The following ABCF1 variants were observed in gnomAD, a reference collection of about 807,000 sequenced individuals.
ABCF1 encodes ATP binding cassette subfamily F member 1.
A neutral mutation model predicts 126.3 loss-of-function variants in ABCF1; 73 were observed. The ratio of observed to expected loss-of-function variants is 0.58; its 90% CI spans 0.48 to 0.70. ABCF1 has a LOEUF of 0.70. Ranked by LOEUF, ABCF1 falls within the 30% of genes least tolerant of loss-of-function variation. ABCF1 has a pLI of 0.00. For missense variants in ABCF1, 786 were observed against 1,057.5 expected, an observed-to-expected ratio of 0.74 and a Z score of 3.56; for synonymous variants, 345 against 396.4, an observed-to-expected ratio of 0.87 and a Z score of 1.54.
chr6:30,579,336 A>G (rs898413146), intron 6 of ABCF1, among the ~76,000 whole-genome samples: 1 of 151,878 alleles, frequency 6.6e-6, no homozygotes, highest in Non-Finnish European at 1.5e-5. Context: ...ATGGTCTCCA[A>G]CTTCTGCTTC....
Position 30,574,338 on chromosome 6 carries a change from A to G in ABCF1, c.73+2778A>G, listed in dbSNP as rs1265964516. 3.9e-5 allele frequency among the ~76,000 whole-genome samples: 6 copies of G among 152,162 alleles called. No individual in the cohort carries two copies. The highest frequency in any genetic ancestry group is 4.1e-4 in the South Asian group (2 of 4,830). On this transcript the variant is annotated intron_variant, in intron 1 of 24. Coordinates refer to ENST00000326195, the MANE Select transcript of ABCF1 (RefSeq NM_001025091.2). The surrounding 1 kb of genome is among the most constrained non-coding windows in gnomAD (Gnocchi z 4.3). ...TTTTCTGTAGAGATGAGGTCTTGCT[A>G]TGTTGCCCAGGCTAATCTTGAACCT... is the stretch of plus-strand genomic sequence containing the variant.
In ABCF1 at chr6:30,586,392, T is replaced by C. The variant is rs1802134988; in HGVS notation, c.1886-82T>C. The C allele has an allele frequency of 1.9e-6, 3 of 1,607,622 alleles. No individual in the cohort carries two copies. The highest frequency in any genetic ancestry group is 1.1e-5 in the South Asian group (1 of 90,516). On this transcript the variant is annotated intron_variant, in intron 18 of 24. Coordinates refer to ENST00000326195, the MANE Select transcript of ABCF1 (RefSeq NM_001025091.2). The surrounding 1 kb of genome is among the most constrained non-coding windows in gnomAD (Gnocchi z 4.9). ...AATTCTCCACCAAGGCTGAGATTGC[T>C]CCTGTTCTCCAAGGCCAGCACATGA...
Position 30,590,725 on chromosome 6 carries a change from G to T in ABCF1, c.*24G>T. 6.3e-7 allele frequency: 1 copy of T among 1,588,248 alleles called. No homozygotes were observed. The highest frequency in any genetic ancestry group is 8.6e-7 in the Non-Finnish European group (1 of 1,167,744). On this transcript the variant is annotated 3_prime_UTR_variant, in exon 25 of 25. Coordinates refer to ENST00000326195, the MANE Select transcript of ABCF1 (RefSeq NM_001025091.2). ...GAGCTTTCCTTCCCAGAAGTCTCCC[G>T]AGAGACATATTTGTGTGGCCTAGAA...
Position 30,585,888 on chromosome 6 carries a change from A to G in ABCF1, c.1610A>G (p.Lys537Arg). Residue 537 changes from lysine (K) to arginine (R), a missense_variant, in exon 17 of 25, where the codon AAA becomes AGA. Around this residue, in one of 4 missense-constraint regions of ABCF1, gnomAD observed 288 missense variants for 423.5 expected, o/e 0.68. Transcript: ENST00000326195. ...CCCTCTTCTGCCCCAGTGACCTTCA[A>G]AAAGATGTACCAGCAGAAGCAGAAA... Reference protein sequence around the residue: ...HYYRGNYMTFKKMYQQKQKEL... With the variant: ...HYYRGNYMTFRKMYQQKQKEL... 1 of 1,605,190 alleles carries G rather than the reference A, an allele frequency of 6.2e-7. No homozygotes were observed. The highest frequency in any genetic ancestry group is 8.5e-7 in the Non-Finnish European group (1 of 1,175,836).
rs1561804696 is a variant in ABCF1 at position 30,590,393 on chromosome 6, A to T, written c.2371+15A>T. 2 of 1,601,042 alleles carry T rather than the reference A, an allele frequency of 1.2e-6. No homozygotes were observed. The highest frequency in any genetic ancestry group is 8.5e-7 in the Non-Finnish European group (1 of 1,173,258). ...ATACAAGGGTGGTAAGTCAGCTGAG[A>T]GTGTGCCCTCATCCCTGCTCCATGG... On this transcript the variant is annotated intron_variant, in intron 24 of 24. Coordinates refer to ENST00000326195, the MANE Select transcript of ABCF1 (RefSeq NM_001025091.2).
At chr6:30,587,651 C>A (rs1265215855) in intron 20 of ABCF1, among the ~76,000 whole-genome samples, 4 of 151,364 alleles carry the variant, frequency 2.6e-5, no homozygotes, top group African/African-American at 9.7e-5. Flanking sequence ...AAAAAACAGA[C>A]CAGCCTGAGC....
At chr6:30,585,178 C>A in intron 14 of ABCF1, 82 bp from the exon 15 acceptor site, 2 of 1,231,804 alleles carry the variant, frequency 1.6e-6, no homozygotes, top group Non-Finnish European at 2.4e-6. Context: ...TGGTCTCAGG[C>A]TCTATCTCCG....
intron 1 of ABCF1, among the ~76,000 whole-genome samples, chr6:30,575,781 T>C (rs892744796): frequency 6.6e-6 from 1 of 151,944 alleles, no homozygotes; most frequent in Non-Finnish European, 1.5e-5. Flanking sequence ...AAACAACGTG[T>C]CCCCCTGGCC....
In ABCF1 at chr6:30,583,673, A is replaced by C; in HGVS notation, c.981A>C (p.Val327=). 6.2e-7 allele frequency: 1 copy of C among 1,613,918 alleles called. No individual in the cohort carries two copies. Among genetic ancestry groups the C allele is most frequent in the Non-Finnish European group, 8.5e-7 (1 of 1,179,872 alleles). Residue 327 remains valine (V), a synonymous_variant, in exon 11 of 25, where the codon GTA becomes GTC. Transcript: ENST00000326195. This position sits in a 1 kb window ranked among gnomAD's most constrained non-coding sequence, Gnocchi z 4.1. ...TCGTCAATGCAGACCTGTACATTGTAGCCGGCCGCCGCTACGGGCTGGTAG... is the reference window on the plus strand; with the variant it reads ...TCGTCAATGCAGACCTGTACATTGTCGCCGGCCGCCGCTACGGGCTGGTAG... The part of the protein sequence containing the change: ...ELFVNADLYI[V]AGRRYGLVGP...
rs199910093 is a variant in ABCF1, at chr6:30,578,120, T to C, written c.261T>C (p.Asp87=). The C allele has an allele frequency of 1.2e-6, 2 of 1,612,482 alleles. No individual in the cohort carries two copies. ...RDTRKGRRKK[D]VDDDGEEKEL... The stretch of plus-strand genomic sequence containing the variant: ...CCCGAAAAGGCAGGCGGAAGAAGGA[T>C]GTGGATGATGATGGAGAAGAGAAAG... Residue 87 remains aspartate (D), a synonymous_variant, in exon 4 of 25, where the codon GAT becomes GAC. Coordinates refer to ENST00000326195, the MANE Select transcript of ABCF1 (RefSeq NM_001025091.2).
Position 30,586,828 on chromosome 6 carries a change from T to C in ABCF1, c.2031+117T>C, listed in dbSNP as rs1802162743. On this transcript the variant is annotated intron_variant, in intron 20 of 24. Transcript: ENST00000326195. The surrounding 1 kb of genome is among the most constrained non-coding windows in gnomAD (Gnocchi z 4.9). ...GTAGAGTTAAATACAGAACTCATGA[T>C]AGATGATTCATTTCCCTAAGAGGGG... The C allele has an allele frequency of 2.0e-5, 22 of 1,121,030 alleles. No homozygotes were observed. Among genetic ancestry groups the C allele is most frequent in the Non-Finnish European group, 2.7e-5 (21 of 767,474 alleles). The allele number at this position is 1,121,030 out of a possible 1,614,324, so 69.4% of individuals were successfully genotyped here. A position where few individuals can be genotyped will look rare whatever the true frequency, so the allele number is the denominator to read the frequency against.
chr6:30,589,919 G>C lies in ABCF1; in HGVS notation c.2178G>C (p.Leu726=). 1 of 1,614,108 alleles carries C rather than the reference G, an allele frequency of 6.2e-7. No homozygotes were observed. Among genetic ancestry groups the C allele is most frequent in the Non-Finnish European group, 8.5e-7 (1 of 1,180,040 alleles). Residue 726 remains leucine (L), a synonymous_variant, in exon 22 of 25, where the codon CTG becomes CTC. Transcript: ENST00000326195. ...NLPYQDARKC[L]GRFGLESHAH... is the part of the protein sequence containing the mutation. ...CCTACCAGGATGCCCGCAAGTGCCT[G>C]GGCCGCTTCGGCCTGGAGAGTCACG...
intron 8 of ABCF1, among the ~76,000 whole-genome samples, chr6:30,580,730 G>A (rs1317096309): frequency 6.6e-6 from 1 of 152,172 alleles, no homozygotes. Flanking sequence ...CTGGAGTGCA[G>A]TGGTGTGAAC....
At chr6:30,580,791 A>G (rs552260800) in intron 8 of ABCF1, among the ~76,000 whole-genome samples, 19 of 152,190 alleles carry the variant, frequency 1.2e-4, no homozygotes, top group African/African-American at 4.3e-4. Context: ...CTCCTGCCTC[A>G]GCCTACTGAG....
Position 30,590,560 on chromosome 6 carries a change from C to G in ABCF1, c.2397C>G (p.Ala799=), listed in dbSNP as rs1481945831. The G allele has an allele frequency of 6.2e-7, 1 of 1,612,406 alleles. No homozygotes were observed. The highest frequency in any genetic ancestry group is 8.5e-7 in the Non-Finnish European group (1 of 1,179,780). The change falls in exon 25 of 25, where the codon GCC becomes GCG. Residue 799 remains alanine, a synonymous_variant. Coordinates refer to ENST00000326195, the MANE Select transcript of ABCF1 (RefSeq NM_001025091.2). ...CTGTGATCGTTGTCAGCCATGATGC[C>G]CGACTCATCACAGAAACCAATTGCC... ...KGAVIVVSHD[A]RLITETNCQL... is the part of the protein sequence containing the mutation.
chr6:30,579,635 T>C (rs1801700639), intron 6 of ABCF1, among the ~76,000 whole-genome samples: 1 of 151,874 alleles, frequency 6.6e-6, no homozygotes, highest in South Asian at 2.1e-4. Context: ...TTTTTGTGTT[T>C]TTAGTAGAGA....
intron 8 of ABCF1, among the ~76,000 whole-genome samples, chr6:30,581,698 C>T (rs955212554): frequency 1.3e-5 from 2 of 151,972 alleles, no homozygotes; most frequent in African/African-American, 2.4e-5. Flanking sequence ...CCACCGTGCC[C>T]GGACGGCTAC....
At position 30,582,432 on chromosome 6, in the gene ABCF1, GGAA is replaced by G. The variant is rs1801872435; in HGVS notation, c.719_721del (p.Glu240del). ...AAGGAGAAGGGGAAGAAGAGGAGGA[GGAA>G]GGAGGAGAGTCTAAGGCAGATGATC... is the stretch of plus-strand genomic sequence containing the variant. On this transcript the variant is annotated inframe_deletion, in exon 9 of 25. Transcript: ENST00000326195. 6.2e-7 allele frequency: 1 copy of G among 1,612,372 alleles called. No individual in the cohort carries two copies. Among genetic ancestry groups the G allele is most frequent in the Non-Finnish European group, 8.5e-7 (1 of 1,179,500 alleles).
chr6:30,585,811 AGTCCCTGGTT>A, intron 16 of ABCF1, 58 bp from the exon 17 acceptor site: 1 of 1,555,930 alleles, frequency 6.4e-7, no homozygotes, highest in Non-Finnish European at 8.8e-7. Context: ...CATCACCACC[AGTCCCTGGTT>A]GTCCCTTTGC....
Sources: allele counts gnomAD v4.1 joint callset (sites outside exome capture counted in the v4.1 genomes callset), GRCh38; gene constraint gnomAD v4.1.1; regional missense constraint gnomAD v4.1.1; non-coding constraint Gnocchi (gnomAD v3.1); transcripts MANE v1.5; gene names NCBI Gene and HGNC (gene_info 2026-07-23, HGNC 2026-07-21).